Variants in PKHD1L1 observed in about 807,000 individuals in gnomAD.
PKHD1L1 encodes the protein fibrocystin-L.
Under a neutral mutation model 462.9 loss-of-function variants are expected in PKHD1L1, and 434 were observed. That is an observed-to-expected ratio of 0.94 (90% CI 0.87 to 1.02). The LOEUF is 1.02. Among genes scored for constraint, PKHD1L1 ranks in the 50% least tolerant of loss-of-function variants. The probability of loss-of-function intolerance (pLI) is 0.00; values close to 1 mark genes in which losing one functional copy is unlikely to be tolerated. For missense variants in PKHD1L1, 5,202 were observed against 5,096.1 expected (o/e 1.02, Z -0.63); for synonymous variants, 1,781 against 1,750.0 (o/e 1.02, Z -0.44).
chr8:109,417,696 C>A (rs564886348), intron 21 of PKHD1L1, among the ~76,000 whole-genome samples: 29 of 152,074 alleles, frequency 1.9e-4, no homozygotes, highest in African/African-American at 7.0e-4. Flanking sequence ...ATTACAGGCG[C>A]GTGCCACCCC....
intron 2 of PKHD1L1, among the ~76,000 whole-genome samples, chr8:109,371,604 C>A (rs1465776117): frequency 1.4e-5 from 2 of 143,456 alleles, no homozygotes; most frequent in African/African-American, 5.1e-5. Context: ...AATGGTATTG[C>A]CTAGGTTTTC....
At chr8:109,451,806 T>G (rs1816533322) in intron 41 of PKHD1L1, among the ~76,000 whole-genome samples, 1 of 152,198 alleles carries the variant, frequency 6.6e-6, no homozygotes, top group South Asian at 2.1e-4. Context: ...AAGTGATCCT[T>G]GAAAATCTCT....
intron 21 of PKHD1L1, among the ~76,000 whole-genome samples, chr8:109,415,460 G>A (rs1814098628): frequency 6.6e-6 from 1 of 152,182 alleles, no homozygotes; most frequent in African/African-American, 2.4e-5. Context: ...GAAGTATGAA[G>A]TGGGAAACAG....
At position 109,444,814 on chromosome 8, in the gene PKHD1L1, A is replaced by G. The variant is rs1283105226; in HGVS notation, c.4945A>G (p.Asn1649Asp). ...NLGTAINTLS[N>D]EFDRRFVLLP... ...GGGCACTGCTATCAATACGTTGTCC[A>G]ATGAATTTGATAGGCGATTTGTACT... The change falls in exon 38 of 78, where the codon AAT becomes GAT. Residue 1649 changes from asparagine (N) to aspartate (D), a missense_variant. Physicochemically the swap from Asn to Asp is conservative, Grantham distance 23. Around this residue, in one of 3 missense-constraint regions of PKHD1L1, gnomAD observed 4,497 missense variants for 4,336.8 expected, o/e 1.04. Coordinates refer to ENST00000378402, the MANE Select transcript of PKHD1L1 (RefSeq NM_177531.6). 6.2e-7 allele frequency: 1 copy of G among 1,614,012 alleles called. No homozygotes were observed. Among genetic ancestry groups the G allele is most frequent in the African/African-American group, 1.3e-5 (1 of 75,032 alleles).
At chr8:109,437,833 C>T (rs1463136789) in intron 30 of PKHD1L1, among the ~76,000 whole-genome samples, 2 of 151,880 alleles carry the variant, frequency 1.3e-5, no homozygotes, top group Non-Finnish European at 2.9e-5. Flanking sequence ...AGTTGGGAAT[C>T]GCATGGATAC....
chr8:109,447,495 T>C (rs971182364), intron 38 of PKHD1L1, among the ~76,000 whole-genome samples: 8 of 152,198 alleles, frequency 5.3e-5, no homozygotes, highest in African/African-American at 1.9e-4. Flanking sequence ...CCACGTTTAA[T>C]GCCCTTCACG....
intron 39 of PKHD1L1, 104 bp from the exon 40 acceptor site, chr8:109,449,234 A>G: frequency 8.7e-7 from 1 of 1,145,774 alleles, no homozygotes; most frequent in Non-Finnish European, 1.2e-6. Flanking sequence ...CTCTTCATTT[A>G]ATGTAACTTA....
Position 109,452,215 on chromosome 8 carries a change from G to C in PKHD1L1, c.6442G>C (p.Ala2148Pro). Residue 2148 changes from alanine to proline, a missense_variant, in exon 42 of 78, where the codon GCC (alanine) becomes CCC (proline). By Grantham distance (27) the Ala-to-Pro change is conservative (BLOSUM62 -1). Coordinates refer to ENST00000378402, the MANE Select transcript of PKHD1L1 (RefSeq NM_177531.6). ...NKTHIICMTD[A>P]HTLSGWAPVC... ...GACACACATCATCTGCATGACAGAT[G>C]CCCATACTCTATCAGGGTGGGCTCC... is the stretch of plus-strand genomic sequence containing the variant. 6.2e-7 allele frequency: 1 copy of C among 1,612,814 alleles called. No homozygotes were observed. The highest frequency in any genetic ancestry group is 2.2e-5 in the East Asian group (1 of 44,824).
intron 23 of PKHD1L1, among the ~76,000 whole-genome samples, chr8:109,421,890 T>G (rs951844542): frequency 1.3e-5 from 2 of 152,204 alleles, no homozygotes; most frequent in African/African-American, 4.8e-5. Flanking sequence ...TTGGTAACTG[T>G]AACCTCTATC....
intron 46 of PKHD1L1, among the ~76,000 whole-genome samples, chr8:109,456,965 A>G (rs1382081311): frequency 6.6e-6 from 1 of 152,202 alleles, no homozygotes; most frequent in Non-Finnish European, 1.5e-5. Context: ...TTTAAAACCG[A>G]AACTACTTAT....
chr8:109,504,404 G>T lies in PKHD1L1; in HGVS notation c.10906G>T (p.Asp3636Tyr), dbSNP rs763793142. 6.4e-6 allele frequency: 10 copies of T among 1,557,596 alleles called. No individual in the cohort carries two copies. The African/African-American group carries it at 1.4e-4, about 21-fold the overall frequency. The change falls in exon 68 of 78, where the codon GAT becomes TAT. Residue 3636 changes from aspartate (D) to tyrosine (Y), a missense_variant. Asp to Tyr is a radical substitution (Grantham distance 160). Transcript: ENST00000378402. ...VIFITNPLNE[D>Y]LQHPIHVKNI... ...ATTCATTACTAACCCTTTAAATGAG[G>T]ATTTACAGCATCCAATCCATGTGAA...
intron 68 of PKHD1L1, among the ~76,000 whole-genome samples, chr8:109,504,943 G>A (rs564544461): frequency 6.6e-6 from 1 of 152,116 alleles, no homozygotes; most frequent in Admixed American, 6.5e-5. Flanking sequence ...GTGCTATCAT[G>A]GCTCACTGCA....
intron 10 of PKHD1L1, among the ~76,000 whole-genome samples, chr8:109,395,438 T>G (rs549791333): frequency 1.6e-4 from 24 of 152,334 alleles, no homozygotes; most frequent in African/African-American, 5.8e-4. Flanking sequence ...TAACTTTTTG[T>G]GAATCAATCA....
In PKHD1L1 at chr8:109,491,921, C is replaced by T. The variant is rs898001313; in HGVS notation, c.10163C>T (p.Ala3388Val). ...NANRVRGNLI[A>V]LSVWPGTYQN... ...AACCGAGTCCGAGGGAATTTGATTG[C>T]ACTTTCGGTTTGGCCAGGAACCTAT... The change falls in exon 62 of 78, where the codon GCA (alanine) becomes GTA (valine). Residue 3388 changes from alanine (A) to valine (V), a missense_variant. Ala to Val is a moderately conservative substitution (Grantham distance 64). This residue lies in a region of PKHD1L1 where 4,497 missense variants were observed against 4,336.8 expected (regional missense o/e 1.04). Transcript: ENST00000378402. The T allele has an allele frequency of 1.2e-6, 2 of 1,604,164 alleles. No homozygotes were observed. The highest frequency in any genetic ancestry group is 1.7e-5 in the Admixed American group (1 of 59,570).
At chr8:109,450,698 A>G (rs1285617008) in intron 40 of PKHD1L1, among the ~76,000 whole-genome samples, 1 of 152,262 alleles carries the variant, frequency 6.6e-6, no homozygotes, top group African/African-American at 2.4e-5. Flanking sequence ...ATCCTCTAGA[A>G]TTGGAAAACT....
Position 109,413,554 on chromosome 8 carries a change from C to T in PKHD1L1, c.2360+9C>T, listed in dbSNP as rs376596597. On this transcript the variant is annotated intron_variant, in intron 21 of 77. Transcript: ENST00000378402. ...TTTGCTTATGGAAACAAGTAAGTTA[C>T]GCTATGAATTTGAAAATTACATTAT... 4.7e-4 allele frequency: 695 copies of T among 1,494,564 alleles called. 9 individuals carry two copies. In the South Asian group the frequency reaches 7.4e-3, roughly 16 times the overall value. The allele number at this position is 1,494,564 out of a possible 1,614,324, so 92.6% of individuals were successfully genotyped here. A position where few individuals can be genotyped will look rare whatever the true frequency, so the allele number is the denominator to read the frequency against.
chr8:109,411,712 G>A (rs560291234), intron 19 of PKHD1L1, among the ~76,000 whole-genome samples: 5 of 152,076 alleles, frequency 3.3e-5, no homozygotes, highest in African/African-American at 1.2e-4. Flanking sequence ...TTTACCATTT[G>A]CACAGTGCCT....
chr8:109,464,363 C>G lies in PKHD1L1; in HGVS notation c.7531C>G (p.Leu2511Val), dbSNP rs1248787241. 6.2e-7 allele frequency: 1 copy of G among 1,613,340 alleles called. No individual in the cohort carries two copies. The change falls in exon 49 of 78, where the codon CTT becomes GTT. Residue 2511 changes from leucine (L) to valine (V), a missense_variant. Physicochemically the swap from Leu to Val is conservative, Grantham distance 32. This residue lies in a region of PKHD1L1 where 4,497 missense variants were observed against 4,336.8 expected (regional missense o/e 1.04). Coordinates refer to ENST00000378402, the MANE Select transcript of PKHD1L1 (RefSeq NM_177531.6). ...TGTTACTATTCATAACACACACCAT[C>G]TTCTGGTTGAGAGGAATATTATATA... ...RAVTIHNTHH[L>V]LVERNIIYDI... is the part of the protein sequence containing the mutation.
rs1817008109 is a variant in PKHD1L1 at position 109,459,675 on chromosome 8, T to G, written c.7085T>G (p.Leu2362Arg). 1.9e-6 allele frequency: 3 copies of G among 1,610,212 alleles called. No homozygotes were observed. The highest frequency in any genetic ancestry group is 8.5e-7 in the Non-Finnish European group (1 of 1,178,060). The part of the protein sequence containing the change: ...DGINITLSNP[L>R]NYTHLGITVT... Reference sequence around the variant, plus strand: ...ATAAACATAACACTAAGTAACCCACTAAATTACACACACTTAGGAATTACG... The same window carrying G: ...ATAAACATAACACTAAGTAACCCACGAAATTACACACACTTAGGAATTACG... Residue 2362 changes from leucine to arginine, a missense_variant, in exon 47 of 78, where the codon CTA becomes CGA. Leu to Arg is a moderately radical substitution (Grantham distance 102, BLOSUM62 -2). Around this residue, in one of 3 missense-constraint regions of PKHD1L1, gnomAD observed 4,497 missense variants for 4,336.8 expected, o/e 1.04. Coordinates refer to ENST00000378402, the MANE Select transcript of PKHD1L1 (RefSeq NM_177531.6).
Sources: allele counts gnomAD v4.1 joint callset (sites outside exome capture counted in the v4.1 genomes callset), GRCh38; gene constraint gnomAD v4.1.1; regional missense constraint gnomAD v4.1.1; transcripts MANE v1.5; gene names NCBI Gene and HGNC (gene_info 2026-07-23, HGNC 2026-07-21).